The following TOP6BL variants were observed in gnomAD, a reference collection of about 807,000 sequenced individuals.
TOP6BL encodes the protein type 2 DNA topoisomerase 6 subunit B-like.
chr11:66,843,133 G>C, the TOP6BL span: 1 of 1,607,632 alleles, frequency 6.2e-7, no homozygotes, highest in South Asian at 1.1e-5. Flanking sequence ...GGCCGCTGCT[G>C]AGAGGTCCTC....
At chr11:66,818,106 C>A in the TOP6BL span, among the ~76,000 whole-genome samples, 66 of 152,238 alleles carry the variant, frequency 4.3e-4, 2 homozygotes, top group South Asian at 7.7e-3. Context: ...ACTCTATTCT[C>A]CAGGCACTCT....
the TOP6BL span, chr11:66,813,768 T>C: frequency 7.6e-5 from 87 of 1,144,158 alleles, 1 homozygote; most frequent in Non-Finnish European, 1.0e-4. Flanking sequence ...AGCACACTTA[T>C]GGGAGTGTAA....
the TOP6BL span, chr11:66,788,316 T>A: frequency 7.4e-7 from 1 of 1,346,700 alleles, no homozygotes; most frequent in Non-Finnish European, 1.1e-6. Flanking sequence ...TTTATTCTTA[T>A]TTTTCTGCAA....
At chr11:66,814,088 T>G in the TOP6BL span, 70 of 1,374,216 alleles carry the variant, frequency 5.1e-5, no homozygotes, top group Non-Finnish European at 6.4e-5. Flanking sequence ...GAAATATGAA[T>G]AGAACGTGTG....
the TOP6BL span, among the ~76,000 whole-genome samples, chr11:66,823,739 C>G: frequency 3.3e-5 from 5 of 152,110 alleles, no homozygotes; most frequent in Non-Finnish European, 7.4e-5. Flanking sequence ...ATTGCTGAAA[C>G]CCGGGAGGTG....
the TOP6BL span, among the ~76,000 whole-genome samples, chr11:66,802,908 G>A: frequency 2.6e-5 from 4 of 152,098 alleles, no homozygotes; most frequent in Non-Finnish European, 5.9e-5. Flanking sequence ...TGTTTCCTTG[G>A]ATGACCTGAT....
the TOP6BL span, among the ~76,000 whole-genome samples, chr11:66,842,082 T>C: frequency 6.6e-6 from 1 of 151,870 alleles, no homozygotes; most frequent in Non-Finnish European, 1.5e-5. Flanking sequence ...CTGTGGTTCC[T>C]GGTACTCTGG....
chr11:66,809,967 C>T, the TOP6BL span, among the ~76,000 whole-genome samples: 1 of 152,008 alleles, frequency 6.6e-6, no homozygotes, highest in Non-Finnish European at 1.5e-5. Flanking sequence ...GATCAATGAA[C>T]CCTAAGTGTA....
chr11:66,827,170 C>A, the TOP6BL span, among the ~76,000 whole-genome samples: 2 of 152,008 alleles, frequency 1.3e-5, no homozygotes, highest in Admixed American at 6.5e-5. Flanking sequence ...CCTGCCTCAC[C>A]CTCCCAAGTA....
chr11:66,800,494 A>G, the TOP6BL span: 5 of 602,606 alleles, frequency 8.3e-6, no homozygotes, highest in Non-Finnish European at 5.8e-6. Flanking sequence ...TACCCTATGA[A>G]TGTATACAGT....
At chr11:66,827,554 A>G in the TOP6BL span, among the ~76,000 whole-genome samples, 1 of 151,992 alleles carries the variant, frequency 6.6e-6, no homozygotes, top group African/African-American at 2.4e-5. Context: ...AAAGTCTCAT[A>G]TCAGCCTCAG....
chr11:66,825,208 C>T, the TOP6BL span, among the ~76,000 whole-genome samples: 4 of 150,760 alleles, frequency 2.7e-5, no homozygotes, highest in African/African-American at 9.7e-5. Context: ...GGCGTGGTGG[C>T]TCATGCCTGT....
chr11:66,762,850 CAA>C, the TOP6BL span, among the ~76,000 whole-genome samples: 1 of 152,156 alleles, frequency 6.6e-6, no homozygotes, highest in African/African-American at 2.4e-5. Flanking sequence ...TCTAAAGACA[CAA>C]ATATATAGGA....
the TOP6BL span, among the ~76,000 whole-genome samples, chr11:66,745,469 G>C: frequency 2.0e-5 from 3 of 152,208 alleles, no homozygotes; most frequent in Non-Finnish European, 4.4e-5. Context: ...ACCTGTGCTC[G>C]GGGAGCTGCT....
At chr11:66,800,553 ATTCTT>A in the TOP6BL span, 5 of 1,034,210 alleles carry the variant, frequency 4.8e-6, no homozygotes. Flanking sequence ...TTTTAAGCTT[ATTCTT>A]TTCCTTTAGG....
chr11:66,794,921 TGAG>T, the TOP6BL span, among the ~76,000 whole-genome samples: 1 of 151,930 alleles, frequency 6.6e-6, no homozygotes, highest in Admixed American at 6.6e-5. Context: ...TCACCTGAGG[TGAG>T]GAGTTCGAGA....
chr11:66,827,391 T>C, the TOP6BL span, among the ~76,000 whole-genome samples: 11 of 152,174 alleles, frequency 7.2e-5, no homozygotes, highest in Non-Finnish European at 1.2e-4. Flanking sequence ...TCCATAAAAT[T>C]AGTGTGATGT....
chr11:66,788,228 C>G, the TOP6BL span: 1 of 1,613,846 alleles, frequency 6.2e-7, no homozygotes, highest in East Asian at 2.2e-5. Context: ...CAGCTATTCT[C>G]AGGATATGAC....
chr11:66,835,468 T>G, the TOP6BL span, among the ~76,000 whole-genome samples: 2 of 152,226 alleles, frequency 1.3e-5, no homozygotes, highest in East Asian at 3.8e-4. Flanking sequence ...AGAATAAAAC[T>G]CATTGATTTT....
Sources: allele counts gnomAD v4.1 joint callset (sites outside exome capture counted in the v4.1 genomes callset), GRCh38; gene constraint gnomAD v4.1.1; transcripts MANE v1.5; gene names NCBI Gene and HGNC (gene_info 2026-07-23, HGNC 2026-07-21).